PCOLCE2: variants seen among roughly 807,000 people sequenced by gnomAD.
The protein encoded by PCOLCE2 is procollagen C-proteinase enhancer 2.
PCOLCE2 carries 42 observed loss-of-function variants against 47.0 expected under a neutral mutation model. That is an observed-to-expected ratio of 0.89 (90% confidence interval 0.70 to 1.16). The LOEUF (loss-of-function observed/expected upper bound fraction) is 1.16. PCOLCE2 is among the 50% of genes most tolerant of loss of function. The pLI is 0.00. For synonymous variants in PCOLCE2, 169 were observed against 191.7 expected (o/e 0.88, Z 0.98); for missense variants, 500 against 526.1 (o/e 0.95, Z 0.49).
chr3:142,877,929 G>A lies in PCOLCE2; in HGVS notation c.192+9740C>T, dbSNP rs542897971. Among the ~76,000 whole-genome samples, 6 of 152,314 alleles carry A rather than the reference G, an allele frequency of 3.9e-5. No individual in the cohort carries two copies. In the South Asian group the frequency reaches 1.2e-3, roughly 32 times the overall value. On this transcript the variant is annotated intron_variant, in intron 2 of 8. Coordinates refer to ENST00000295992, the MANE Select transcript of PCOLCE2 (RefSeq NM_013363.4). ...CTGGTAGGTACTTTACAGTTTTAAT[G>A]AATGAATGAATGACAATTTATTTGG...
intron 6 of PCOLCE2, chr3:142,827,259 T>C (rs1472507464): frequency 2.4e-6 from 3 of 1,243,252 alleles, no homozygotes; most frequent in Non-Finnish European, 3.5e-6. Context: ...ATAGGGTTCA[T>C]GGCCACATCC....
At chr3:142,823,910 C>T (rs956161830) in intron 6 of PCOLCE2, among the ~76,000 whole-genome samples, 1 of 152,144 alleles carries the variant, frequency 6.6e-6, no homozygotes, top group Non-Finnish European at 1.5e-5. Flanking sequence ...TAAGAAAATA[C>T]AGGCGTACTC....
At chr3:142,818,559 T>C in intron 8 of PCOLCE2, 94 bp from the exon 9 acceptor site, 3 of 968,878 alleles carry the variant, frequency 3.1e-6, no homozygotes, top group Non-Finnish European at 4.9e-6. Context: ...AATGTTCTCT[T>C]CTGCAAATGG....
At chr3:142,855,218 A>G (rs1308238772) in intron 2 of PCOLCE2, among the ~76,000 whole-genome samples, 1 of 152,180 alleles carries the variant, frequency 6.6e-6, no homozygotes, top group East Asian at 1.9e-4. Context: ...CATCTGTCTC[A>G]CTATCAGAAT....
chr3:142,824,123 A>C (rs1000401078), intron 6 of PCOLCE2, among the ~76,000 whole-genome samples: 2 of 152,324 alleles, frequency 1.3e-5, no homozygotes, highest in South Asian at 2.1e-4. Context: ...ATTAGATGCA[A>C]CCCATCACTA....
At chr3:142,861,186 G>T (rs771557758) in intron 2 of PCOLCE2, among the ~76,000 whole-genome samples, 1 of 152,220 alleles carries the variant, frequency 6.6e-6, no homozygotes, top group Non-Finnish European at 1.5e-5. Context: ...CTAGCTTCCA[G>T]CAATAGGCTG....
chr3:142,824,057 T>C (rs1304131974), intron 6 of PCOLCE2, among the ~76,000 whole-genome samples: 1 of 152,164 alleles, frequency 6.6e-6, no homozygotes, highest in African/African-American at 2.4e-5. Context: ...TGCCTAAACA[T>C]GAGTAGCATA....
At chr3:142,832,527 A>C (rs553083892) in intron 5 of PCOLCE2, among the ~76,000 whole-genome samples, 1 of 152,022 alleles carries the variant, frequency 6.6e-6, no homozygotes, top group Non-Finnish European at 1.5e-5. Flanking sequence ...CTCTTCCTTC[A>C]AGACTCATCT....
chr3:142,829,417 C>G (rs542820366), intron 6 of PCOLCE2, among the ~76,000 whole-genome samples: 1 of 152,108 alleles, frequency 6.6e-6, no homozygotes, highest in Admixed American at 6.5e-5. Flanking sequence ...GAAACAGAAA[C>G]TTAGTCTTAG....
chr3:142,860,425 T>G (rs959409910), intron 2 of PCOLCE2, among the ~76,000 whole-genome samples: 7 of 151,682 alleles, frequency 4.6e-5, no homozygotes, highest in East Asian at 1.9e-4. Flanking sequence ...TAATTGCCTT[T>G]TTGTTGTTGT....
chr3:142,887,867 TAAATA>T, intron 1 of PCOLCE2, 90 bp from the exon 2 acceptor site: 2 of 710,688 alleles, frequency 2.8e-6, no homozygotes, highest in Middle Eastern at 5.6e-4. Context: ...CCTATTAATA[TAAATA>T]AAAGTTAATG....
At chr3:142,859,652 G>T (rs1309648669) in intron 2 of PCOLCE2, among the ~76,000 whole-genome samples, 1 of 150,548 alleles carries the variant, frequency 6.6e-6, no homozygotes, top group African/African-American at 2.4e-5. Flanking sequence ...TGCAACCTCT[G>T]CCTCCCAGGT....
At chr3:142,836,838 C>T (rs1243043658) in intron 5 of PCOLCE2, among the ~76,000 whole-genome samples, 1 of 151,678 alleles carries the variant, frequency 6.6e-6, no homozygotes, top group East Asian at 1.9e-4. Context: ...AGGAAAGTTT[C>T]AAGGGAAAAA....
intron 5 of PCOLCE2, among the ~76,000 whole-genome samples, chr3:142,835,528 T>C (rs1937193622): frequency 6.6e-6 from 1 of 152,226 alleles, no homozygotes; most frequent in Non-Finnish European, 1.5e-5. Flanking sequence ...TTATTTAGTA[T>C]AACACTTTTC....
At position 142,888,809 on chromosome 3, in the gene PCOLCE2, G is replaced by A; in HGVS notation, c.83+5C>T. 1 of 1,498,712 alleles carries A rather than the reference G, an allele frequency of 6.7e-7. No homozygotes were observed. Among genetic ancestry groups the A allele is most frequent in the Non-Finnish European group, 8.9e-7 (1 of 1,120,966 alleles). 92.8% of individuals were successfully genotyped at this position (1,498,712 alleles called of 1,614,324 possible). ...GAAAGGGAGCCCGGGCAGGGGTCGC[G>A]TTACCTCTCTGGGGACTGCTGCCGC... On this transcript the variant is annotated splice_donor_5th_base_variant and intron_variant, in intron 1 of 8. Coordinates refer to ENST00000295992, the MANE Select transcript of PCOLCE2 (RefSeq NM_013363.4).
intron 2 of PCOLCE2, chr3:142,864,616 G>T (rs1933245768): frequency 6.6e-6 from 1 of 152,150 alleles, no homozygotes; most frequent in Non-Finnish European, 1.5e-5. Flanking sequence ...TCCAATTTCA[G>T]AATATTTCCA....
rs76884721 is a variant in PCOLCE2, at chr3:142,872,728, C to T, written c.192+14941G>A. On this transcript the variant is annotated intron_variant, in intron 2 of 8. Coordinates refer to ENST00000295992, the MANE Select transcript of PCOLCE2 (RefSeq NM_013363.4). ...TGCCTCCTGTTACATGGCTCCACAT[C>T]ACAAAGTGACAATGCCCGTTTCCCT... is the stretch of plus-strand genomic sequence containing the variant. Among the ~76,000 whole-genome samples, 1,101 of 152,294 alleles carry T rather than the reference C, an allele frequency of 7.2e-3. 24 individuals are homozygous for T. Among genetic ancestry groups the T allele is most frequent in the East Asian group, 0.062 (321 of 5,178 alleles).
At chr3:142,825,344 CCCT>C (rs986959428) in intron 6 of PCOLCE2, among the ~76,000 whole-genome samples, 3 of 152,090 alleles carry the variant, frequency 2.0e-5, no homozygotes, top group Non-Finnish European at 2.9e-5. Context: ...TCTCTCCTTC[CCCT>C]CCTCATCTTA....
rs747017641 is a variant in PCOLCE2, at chr3:142,820,984, C to A, written c.1011G>T (p.Ser337=). ...TRDGSLHATV[S]IINIYKEGNL... The stretch of plus-strand genomic sequence containing the variant: ...TTCCCTCTTTGTAGATGTTGATGAT[C>A]GAGACTGTGGCGTGCAAACTCCCAT... Residue 337 remains serine, a synonymous_variant, in exon 8 of 9, where the codon TCG becomes TCT. Transcript: ENST00000295992. 1.9e-6 allele frequency: 3 copies of A among 1,613,886 alleles called. No homozygotes were observed. The Admixed American group carries it at 5.0e-5, about 27-fold the overall frequency.
Sources: gnomAD v4.1 joint callset for allele counts (sites outside exome capture counted in the v4.1 genomes callset) on GRCh38, gnomAD v4.1.1 for gene constraint, MANE v1.5 for transcripts, NCBI Gene and HGNC (gene_info 2026-07-23, HGNC 2026-07-21) for gene names.